The following CEMIP variants were observed in gnomAD, a reference collection of about 807,000 sequenced individuals.
CEMIP encodes cell migration inducing hyaluronidase 1, also known as cell migration-inducing and hyaluronan-binding protein.
CEMIP carries 105 observed loss-of-function variants against 156.9 expected under a neutral mutation model. The observed-to-expected ratio is 0.67, with a 90% confidence interval of 0.57 to 0.79. The LOEUF (loss-of-function observed/expected upper bound fraction) is 0.79. Among genes scored for constraint, CEMIP ranks in the 30% least tolerant of loss-of-function variants. CEMIP has a pLI of 0.00. For synonymous variants in CEMIP, 676 were observed against 668.4 expected (o/e 1.01, Z -0.17); for missense variants, 1,457 against 1,769.4 (o/e 0.82, Z 3.17).
At chr15:80,830,628 T>A (rs1274376337) in intron 1 of CEMIP, among the ~76,000 whole-genome samples, 1 of 152,240 alleles carries the variant, frequency 6.6e-6, no homozygotes, top group Non-Finnish European at 1.5e-5. Flanking sequence ...TTTGTTTTTT[T>A]TAAGGTGACT....
intron 1 of CEMIP, among the ~76,000 whole-genome samples, chr15:80,841,710 G>A (rs1897423818): frequency 6.6e-6 from 1 of 152,170 alleles, no homozygotes; most frequent in African/African-American, 2.4e-5. Context: ...CCCTCCAGGG[G>A]GTGTTGGCCA....
At chr15:80,786,513 A>G (rs1395686498) in intron 1 of CEMIP, among the ~76,000 whole-genome samples, 1 of 150,366 alleles carries the variant, frequency 6.7e-6, no homozygotes, top group African/African-American at 2.5e-5. Context: ...GGCTTGAGCC[A>G]TTGCACCCAG....
intron 1 of CEMIP, among the ~76,000 whole-genome samples, chr15:80,847,699 C>G (rs1304482056): frequency 6.6e-6 from 1 of 152,246 alleles, no homozygotes; most frequent in African/African-American, 2.4e-5. Context: ...TAGATCCTCA[C>G]TCCATGGGCT....
At chr15:80,787,694 G>T (rs558969043) in intron 1 of CEMIP, among the ~76,000 whole-genome samples, 5 of 152,266 alleles carry the variant, frequency 3.3e-5, no homozygotes, top group African/African-American at 1.2e-4. Flanking sequence ...CTTAGCACTG[G>T]TAGCCACAGA....
At chr15:80,797,620 T>G (rs1183009075) in intron 1 of CEMIP, among the ~76,000 whole-genome samples, 1 of 151,084 alleles carries the variant, frequency 6.6e-6, no homozygotes, top group East Asian at 2.0e-4. Flanking sequence ...GTGTGTGTCA[T>G]TTCTAGAAGA....
At chr15:80,831,959 G>A (rs1196076978) in intron 1 of CEMIP, among the ~76,000 whole-genome samples, 2 of 152,236 alleles carry the variant, frequency 1.3e-5, no homozygotes, top group Non-Finnish European at 2.9e-5. Context: ...GAGTGACAGT[G>A]AGGAAGAGAC....
At chr15:80,899,375 C>T (rs1440149152) in intron 12 of CEMIP, among the ~76,000 whole-genome samples, 1 of 152,092 alleles carries the variant, frequency 6.6e-6, no homozygotes, top group Non-Finnish European at 1.5e-5. Context: ...AAGTATTGTT[C>T]CAATCAAAAT....
intron 1 of CEMIP, among the ~76,000 whole-genome samples, chr15:80,780,284 G>T (rs1895756951): frequency 6.6e-6 from 1 of 152,238 alleles, no homozygotes; most frequent in Non-Finnish European, 1.5e-5. Context: ...AGAAGGTCTG[G>T]TGGTCCCTGG....
At chr15:80,782,602 C>T (rs1008917775) in intron 1 of CEMIP, among the ~76,000 whole-genome samples, 4 of 152,024 alleles carry the variant, frequency 2.6e-5, no homozygotes, top group South Asian at 2.1e-4. Context: ...GTTTTCTCCC[C>T]CCACAAAAGT....
chr15:80,866,756 A>C (rs1025473868), intron 1 of CEMIP, among the ~76,000 whole-genome samples: 102 of 149,912 alleles, frequency 6.8e-4, no homozygotes, highest in African/African-American at 2.2e-3. Context: ...ACTGCACTCC[A>C]GCCTGGGCAA....
intron 1 of CEMIP, among the ~76,000 whole-genome samples, chr15:80,819,409 T>C (rs778695318): frequency 1.3e-5 from 2 of 152,218 alleles, no homozygotes; most frequent in Non-Finnish European, 2.9e-5. Context: ...TCTTGCTGGG[T>C]TCGGCTTGCT....
intron 1 of CEMIP, among the ~76,000 whole-genome samples, chr15:80,864,068 T>A (rs1898057053): frequency 6.6e-6 from 1 of 152,098 alleles, no homozygotes; most frequent in South Asian, 2.1e-4. Flanking sequence ...CGCGCAGAAA[T>A]GACCTCTTCT....
intron 6 of CEMIP, 92 bp downstream of exon 6, chr15:80,881,228 G>C: frequency 9.3e-7 from 1 of 1,080,362 alleles, no homozygotes; most frequent in Non-Finnish European, 1.4e-6. Context: ...TAGGTGCTGG[G>C]AGAACAGCAG....
intron 1 of CEMIP, among the ~76,000 whole-genome samples, chr15:80,869,890 G>A (rs1898233378): frequency 6.6e-6 from 1 of 152,206 alleles, no homozygotes; most frequent in African/African-American, 2.4e-5. Context: ...CACAGCTGAT[G>A]AGAGCCAGAG....
chr15:80,902,348 G>A (rs1899599876), intron 12 of CEMIP, among the ~76,000 whole-genome samples: 1 of 152,208 alleles, frequency 6.6e-6, no homozygotes, highest in Admixed American at 6.5e-5. Flanking sequence ...GACAAGGCTA[G>A]TTTGGCCACA....
chr15:80,816,140 T>A (rs1161927111), intron 1 of CEMIP, among the ~76,000 whole-genome samples: 1 of 152,224 alleles, frequency 6.6e-6, no homozygotes, highest in African/African-American at 2.4e-5. Flanking sequence ...GCATGTGGAT[T>A]TCAGGGCAAA....
chr15:80,854,371 G>C (rs1897792075), intron 1 of CEMIP, among the ~76,000 whole-genome samples: 1 of 152,268 alleles, frequency 6.6e-6, no homozygotes, highest in African/African-American at 2.4e-5. Context: ...CAGCTCCTGG[G>C]AGACCAGGCT....
At chr15:80,790,627 C>T (rs1027887511) in intron 1 of CEMIP, among the ~76,000 whole-genome samples, 2 of 152,190 alleles carry the variant, frequency 1.3e-5, no homozygotes, top group Non-Finnish European at 2.9e-5. Context: ...AGACCTATGT[C>T]ACCGTGAGTC....
At chr15:80,877,610 T>A (rs1020852431) in intron 3 of CEMIP, among the ~76,000 whole-genome samples, 1 of 152,222 alleles carries the variant, frequency 6.6e-6, no homozygotes, top group Non-Finnish European at 1.5e-5. Flanking sequence ...TTTTCCATGC[T>A]ATTGATGGAG....
Sources: gnomAD v4.1 joint callset for allele counts (sites outside exome capture counted in the v4.1 genomes callset) on GRCh38, gnomAD v4.1.1 for gene constraint, MANE v1.5 for transcripts, NCBI Gene and HGNC (gene_info 2026-07-23, HGNC 2026-07-21) for gene names.